The following DOCK3 variants were observed in gnomAD, a reference collection of about 807,000 sequenced individuals.
DOCK3 encodes the protein dedicator of cytokinesis protein 3.
DOCK3 carries 60 observed loss-of-function variants against 265.6 expected under a neutral mutation model. The observed-to-expected ratio is 0.23, with a 90% CI of 0.18 to 0.28. The LOEUF (loss-of-function observed/expected upper bound fraction) is 0.28. Among genes scored for constraint, DOCK3 ranks in the 10% least tolerant of loss-of-function variants. The pLI, the probability that DOCK3 is intolerant of heterozygous loss-of-function variation, is 1.00. For missense variants in DOCK3, 1,981 were observed against 2,594.3 expected (o/e 0.76, Z 5.14); for synonymous variants, 881 against 938.0 (o/e 0.94, Z 1.11).
intron 11 of DOCK3, among the ~76,000 whole-genome samples, chr3:51,160,225 A>G (rs2086062805): frequency 6.6e-6 from 1 of 152,260 alleles, no homozygotes; most frequent in South Asian, 2.1e-4. Context: ...ATACCTGAGA[A>G]GTTTAAATTT....
intron 9 of DOCK3, among the ~76,000 whole-genome samples, chr3:51,098,523 G>A (rs916364467): frequency 6.6e-6 from 1 of 152,166 alleles, no homozygotes; most frequent in Non-Finnish European, 1.5e-5. Flanking sequence ...AAATCTTAGG[G>A]GACCCTGGAG....
At chr3:50,748,914 T>C (rs2039618064) in intron 1 of DOCK3, among the ~76,000 whole-genome samples, 1 of 152,214 alleles carries the variant, frequency 6.6e-6, no homozygotes, top group South Asian at 2.1e-4. Flanking sequence ...ATGGGTCAGA[T>C]GAACTCTGTT....
intron 5 of DOCK3, among the ~76,000 whole-genome samples, chr3:51,044,425 T>C (rs1048753488): frequency 6.6e-6 from 1 of 151,958 alleles, no homozygotes; most frequent in Non-Finnish European, 1.5e-5. Flanking sequence ...ACTGGGGTCT[T>C]TCAGAGGATG....
chr3:51,294,028 G>A (rs2081935645), intron 27 of DOCK3, among the ~76,000 whole-genome samples: 1 of 152,186 alleles, frequency 6.6e-6, no homozygotes, highest in Non-Finnish European at 1.5e-5. Context: ...TTGGAAAACA[G>A]TATGAAGTTT....
At chr3:50,883,024 A>C (rs2048132354) in intron 3 of DOCK3, among the ~76,000 whole-genome samples, 1 of 152,140 alleles carries the variant, frequency 6.6e-6, no homozygotes, top group Non-Finnish European at 1.5e-5. Flanking sequence ...AGGACAGAAA[A>C]CCAAACACTG....
At chr3:51,129,001 A>G (rs2084390285) in intron 9 of DOCK3, among the ~76,000 whole-genome samples, 1 of 152,186 alleles carries the variant, frequency 6.6e-6, no homozygotes, top group African/African-American at 2.4e-5. Flanking sequence ...TGGGATACAA[A>G]TATCTTCACA....
chr3:50,929,331 C>T (rs1402392875), intron 4 of DOCK3, among the ~76,000 whole-genome samples: 3 of 152,174 alleles, frequency 2.0e-5, no homozygotes, highest in Admixed American at 6.5e-5. Flanking sequence ...CACAGTGACA[C>T]TGGGGCTGTG....
chr3:51,377,086 T>C (rs1291367987), intron 51 of DOCK3, among the ~76,000 whole-genome samples: 4 of 152,244 alleles, frequency 2.6e-5, no homozygotes, highest in Admixed American at 2.6e-4. Context: ...AAACAGGTGC[T>C]GGTGGCCAGA....
chr3:51,248,928 T>G (rs1427213768), intron 22 of DOCK3, among the ~76,000 whole-genome samples: 10 of 130,186 alleles, frequency 7.7e-5, no homozygotes, highest in Non-Finnish European at 1.6e-4. Flanking sequence ...GGCCGCCCCA[T>G]CTGAGAAGTG....
rs569359135 is a variant in DOCK3, at chr3:50,774,909, A to G, written c.38-3766A>G. Among the ~76,000 whole-genome samples, 3 of 152,040 alleles carry G rather than the reference A, an allele frequency of 2.0e-5. No homozygotes were observed. The South Asian group carries it at 6.2e-4, about 32-fold the overall frequency. ...TTGTCATGAGTGGACTTTGAATTTT[A>G]TCAATTTTTTCATATATAGAGGTGA... On this transcript the variant is annotated intron_variant, in intron 1 of 52. Coordinates refer to ENST00000266037, the MANE Select transcript of DOCK3 (RefSeq NM_004947.5).
chr3:50,988,304 C>T (rs1273672600), intron 5 of DOCK3, among the ~76,000 whole-genome samples: 2 of 152,130 alleles, frequency 1.3e-5, no homozygotes, highest in Non-Finnish European at 2.9e-5. Context: ...CCAGATCCCA[C>T]TCCTCACTGT....
intron 1 of DOCK3, among the ~76,000 whole-genome samples, chr3:50,714,745 C>T (rs2036993491): frequency 6.6e-6 from 1 of 152,192 alleles, no homozygotes; most frequent in Non-Finnish European, 1.5e-5. Context: ...CTTCTAACTA[C>T]CTCTCTAAGT....
At chr3:51,321,809 C>T (rs1312805043) in intron 32 of DOCK3, among the ~76,000 whole-genome samples, 1 of 152,070 alleles carries the variant, frequency 6.6e-6, no homozygotes, top group East Asian at 1.9e-4. Flanking sequence ...AACAAAGCCT[C>T]CAAGAAATAT....
At chr3:50,820,499 G>C (rs2044345816) in intron 2 of DOCK3, among the ~76,000 whole-genome samples, 1 of 152,176 alleles carries the variant, frequency 6.6e-6, no homozygotes. Flanking sequence ...CAAAGGACGT[G>C]ATTTCATTCT....
In DOCK3 at chr3:50,901,313, C is replaced by T. The variant is rs371302760; in HGVS notation, c.218+11232C>T. ...CTACTCAAGCCTTAGTAATGGCAGACACCCCTCCCCCCACCAAGCTCGAGT... is the reference window on the plus strand; with the variant it reads ...CTACTCAAGCCTTAGTAATGGCAGATACCCCTCCCCCCACCAAGCTCGAGT... On this transcript the variant is annotated intron_variant, in intron 4 of 52. Transcript: ENST00000266037. 7.8e-4 allele frequency among the ~76,000 whole-genome samples: 119 copies of T among 152,260 alleles called. 4 individuals carry two copies. The South Asian group carries it at 0.022, about 29-fold the overall frequency.
chr3:51,061,621 G>A lies in DOCK3; in HGVS notation c.316-2827G>A, dbSNP rs184649493. 3.4e-4 allele frequency among the ~76,000 whole-genome samples: 52 copies of A among 151,950 alleles called. 1 individual carries two copies. The highest frequency in any genetic ancestry group is 2.4e-3 in the Admixed American group (36 of 15,252). ...AGATATACCTAACATTAAATGACAA[G>A]TTACTGGGTACAGCACACCAACATG... On this transcript the variant is annotated intron_variant, in intron 5 of 52. Coordinates refer to ENST00000266037, the MANE Select transcript of DOCK3 (RefSeq NM_004947.5).
intron 4 of DOCK3, among the ~76,000 whole-genome samples, chr3:50,932,765 T>G (rs2051141414): frequency 6.6e-6 from 1 of 152,160 alleles, no homozygotes; most frequent in African/African-American, 2.4e-5. Flanking sequence ...CATGTCATGA[T>G]TTTTTTGCAT....
At chr3:51,379,538 G>C (rs1475905887) in intron 51 of DOCK3, 13 of 985,286 alleles carry the variant, frequency 1.3e-5, no homozygotes, top group Non-Finnish European at 1.4e-5. Flanking sequence ...GCGCATCCTG[G>C]CCCCCCCAGT....
chr3:50,987,085 G>A (rs2077930059), intron 5 of DOCK3, among the ~76,000 whole-genome samples: 1 of 152,146 alleles, frequency 6.6e-6, no homozygotes, highest in Admixed American at 6.5e-5. Flanking sequence ...ATCTTTGTGA[G>A]TACCTTCCCA....
Sources: allele counts gnomAD v4.1 joint callset (sites outside exome capture counted in the v4.1 genomes callset), GRCh38; gene constraint gnomAD v4.1.1; transcripts MANE v1.5; gene names NCBI Gene and HGNC (gene_info 2026-07-23, HGNC 2026-07-21).